Variants in KIF26B observed in about 807,000 individuals in gnomAD.
KIF26B encodes the protein kinesin-like protein KIF26B.
KIF26B carries 63 observed loss-of-function variants against 151.2 expected under a neutral mutation model. That is an observed-to-expected ratio of 0.42 (90% CI 0.34 to 0.51). KIF26B has a LOEUF of 0.51. KIF26B is among the 20% of genes least tolerant of loss of function. The pLI is 0.07. For missense variants in KIF26B, 2,813 were observed against 2,913.6 expected (o/e 0.97, Z 0.79); for synonymous variants, 1,357 against 1,262.1 (o/e 1.08, Z -1.59).
intron 2 of KIF26B, among the ~76,000 whole-genome samples, chr1:245,212,152 AT>A (rs1669548984): frequency 1.3e-5 from 2 of 152,048 alleles, no homozygotes; most frequent in South Asian, 4.1e-4. Flanking sequence ...GCTGGCCTCC[AT>A]TTCAGTGCTT....
chr1:245,662,525 A>C lies in KIF26B; in HGVS notation c.2258+16245A>C, dbSNP rs143163197. The stretch of plus-strand genomic sequence containing the variant: ...TACACCCAATGATATATATACACAC[A>C]CCCCCAATATATATACACACCCAAT... On this transcript the variant is annotated intron_variant, in intron 10 of 14. Transcript: ENST00000407071. Among the ~76,000 whole-genome samples the C allele has an allele frequency of 2.2e-3, 330 of 148,610 alleles. 3 individuals are homozygous for C. Among genetic ancestry groups the C allele is most frequent in the African/African-American group, 7.6e-3 (304 of 40,052 alleles).
Position 245,607,689 on chromosome 1 carries a change from G to A in KIF26B, c.1596G>A (p.Gln532=). Reference sequence around the variant, plus strand: ...CAGGCACCGTGGCAGAGGTGATCCAGTCTGTGGTCAACGGGGCAGATGGCT... The same window carrying A: ...CAGGCACCGTGGCAGAGGTGATCCAATCTGTGGTCAACGGGGCAGATGGCT... The part of the protein sequence containing the change: ...VCAGTVAEVI[Q]SVVNGADGCV... Residue 532 remains glutamine (Q), a synonymous_variant, in exon 7 of 15, where the codon CAG becomes CAA. Coordinates refer to ENST00000407071, the MANE Select transcript of KIF26B (RefSeq NM_018012.4). 1.9e-6 allele frequency: 3 copies of A among 1,613,272 alleles called. No homozygotes were observed. The highest frequency in any genetic ancestry group is 2.5e-6 in the Non-Finnish European group (3 of 1,179,674).
At chr1:245,558,229 A>G (rs943665638) in intron 5 of KIF26B, among the ~76,000 whole-genome samples, 1 of 152,102 alleles carries the variant, frequency 6.6e-6, no homozygotes, top group African/African-American at 2.4e-5. Flanking sequence ...TGGCTCCCCC[A>G]TTCCTTGCTC....
chr1:245,675,220 A>G (rs1285870370), intron 10 of KIF26B, among the ~76,000 whole-genome samples: 1 of 152,180 alleles, frequency 6.6e-6, no homozygotes, highest in Admixed American at 6.5e-5. Context: ...CTGCCAACCC[A>G]GGATGCTCAC....
At chr1:245,678,685 A>C (rs2044387566) in intron 10 of KIF26B, among the ~76,000 whole-genome samples, 1 of 151,810 alleles carries the variant, frequency 6.6e-6, no homozygotes, top group East Asian at 1.9e-4. Context: ...AACATGGTGA[A>C]ATCCCGTCTC....
chr1:245,199,477 C>T (rs548302372), intron 2 of KIF26B, among the ~76,000 whole-genome samples: 17 of 151,588 alleles, frequency 1.1e-4, no homozygotes, highest in African/African-American at 3.9e-4. Context: ...CATATATCCA[C>T]ATATCTTTGG....
intron 2 of KIF26B, among the ~76,000 whole-genome samples, chr1:245,309,521 C>T (rs1158389993): frequency 1.3e-5 from 2 of 151,920 alleles, no homozygotes; most frequent in Non-Finnish European, 2.9e-5. Flanking sequence ...GGTTCTCAGC[C>T]CTTTGGACTA....
chr1:245,535,835 G>A (rs1661477333), intron 4 of KIF26B, among the ~76,000 whole-genome samples: 1 of 152,084 alleles, frequency 6.6e-6, no homozygotes, highest in African/African-American at 2.4e-5. Flanking sequence ...TTCTTTCAAA[G>A]GATCATTGAT....
chr1:245,641,403 T>C (rs1053647991), intron 9 of KIF26B, among the ~76,000 whole-genome samples: 3 of 152,222 alleles, frequency 2.0e-5, no homozygotes, highest in East Asian at 1.9e-4. Context: ...TTCTGTGTTA[T>C]TTCTTTGAAT....
At chr1:245,350,615 G>T (rs1672548684) in intron 2 of KIF26B, among the ~76,000 whole-genome samples, 2 of 152,118 alleles carry the variant, frequency 1.3e-5, no homozygotes, top group African/African-American at 4.8e-5. Context: ...AGGTTAAGCT[G>T]CATCCCAAGT....
chr1:245,363,786 C>T (rs777028056), intron 2 of KIF26B, among the ~76,000 whole-genome samples: 3 of 152,188 alleles, frequency 2.0e-5, no homozygotes, highest in Admixed American at 6.5e-5. Flanking sequence ...TTTCCCTGGA[C>T]GAGAGAGGAA....
At chr1:245,403,988 T>C (rs72761165) in intron 3 of KIF26B, among the ~76,000 whole-genome samples, 5,802 of 152,238 alleles carry the variant, frequency 0.038, 134 homozygotes, top group Middle Eastern at 0.061. Context: ...GATGGCCTGA[T>C]TGATTCCAGA....
At chr1:245,451,921 A>C (rs997589718) in intron 4 of KIF26B, among the ~76,000 whole-genome samples, 3 of 152,154 alleles carry the variant, frequency 2.0e-5, no homozygotes, top group African/African-American at 7.2e-5. Flanking sequence ...TTTTAAAAAA[A>C]TTATTTACTG....
intron 9 of KIF26B, among the ~76,000 whole-genome samples, chr1:245,630,090 T>TGG (rs1231850159): frequency 6.6e-6 from 1 of 152,156 alleles, no homozygotes; most frequent in Non-Finnish European, 1.5e-5. Flanking sequence ...CAATAGATGG[T>TGG]GGCAAGGCTG....
intron 4 of KIF26B, among the ~76,000 whole-genome samples, chr1:245,511,317 A>G (rs1408900736): frequency 1.3e-5 from 2 of 152,210 alleles, no homozygotes; most frequent in Non-Finnish European, 2.9e-5. Context: ...CAGAATACCT[A>G]GTTCTATCAG....
At chr1:245,598,292 T>C (rs1439519337) in intron 5 of KIF26B, among the ~76,000 whole-genome samples, 1 of 152,142 alleles carries the variant, frequency 6.6e-6, no homozygotes, top group Non-Finnish European at 1.5e-5. Flanking sequence ...AGCTCATGCA[T>C]GAGAAGCGCT....
At chr1:245,511,005 T>C in intron 4 of KIF26B, 1 of 693,508 alleles carries the variant, frequency 1.4e-6, no homozygotes, top group Non-Finnish European at 2.7e-6. Flanking sequence ...TACTTTCTCC[T>C]GAGATGGCCC....
intron 5 of KIF26B, among the ~76,000 whole-genome samples, chr1:245,556,369 T>TCCCTCC (rs1662039006): frequency 7.8e-6 from 1 of 127,978 alleles, no homozygotes. Context: ...CTCCTTCTTC[T>TCCCTCC]TCTTCCTCCT....
intron 2 of KIF26B, among the ~76,000 whole-genome samples, chr1:245,365,603 A>G (rs1192356811): frequency 6.6e-6 from 1 of 151,752 alleles, no homozygotes; most frequent in Non-Finnish European, 1.5e-5. Flanking sequence ...TCCGAAGGGC[A>G]GATTTTCTCC....
Sources: allele counts gnomAD v4.1 joint callset (sites outside exome capture counted in the v4.1 genomes callset), GRCh38; gene constraint gnomAD v4.1.1; transcripts MANE v1.5; gene names NCBI Gene and HGNC (gene_info 2026-07-23, HGNC 2026-07-21).